Variants in ZNF680 observed in about 807,000 individuals in gnomAD.
ZNF680 encodes the protein hypothetical protein FLJ90430.
A neutral mutation model predicts 12.1 loss-of-function variants in ZNF680; 6 were observed. The observed-to-expected ratio is 0.49, with a 90% confidence interval of 0.27 to 0.98. The LOEUF (loss-of-function observed/expected upper bound fraction) is 0.98, where lower values mean the gene tolerates loss of function less well. Ranked by LOEUF, ZNF680 falls within the 50% of genes least tolerant of loss-of-function variation. ZNF680 has a pLI of 0.12. For missense variants in ZNF680, 561 were observed against 616.3 expected, an observed-to-expected ratio of 0.91 and a Z score of 0.95; for synonymous variants, 170 against 199.3, an observed-to-expected ratio of 0.85 and a Z score of 1.24.
intron 3 of ZNF680, chr7:64,524,620 A>G (rs1047356401): frequency 2.6e-5 from 4 of 152,188 alleles, no homozygotes; most frequent in Non-Finnish European, 5.9e-5. Flanking sequence ...TGTAATAAAG[A>G]TTTTAAAAAG....
chr7:64,521,274 C>A lies in ZNF680; in HGVS notation c.1480G>T (p.Glu494Ter). 2 of 1,613,728 alleles carry A rather than the reference C, an allele frequency of 1.2e-6. No homozygotes were observed. Among genetic ancestry groups the A allele is most frequent in the Non-Finnish European group, 1.7e-6 (2 of 1,179,708 alleles). Reference protein sequence around the residue: ...HAREKPYKCEECGKAFNRSSH... With the variant: ...HAREKPYKCE ...GACCGGTTAAAAGCTTTGCCACATT[C>A]TTCACATTTGTAGGGTTTCTCTCTA... is the stretch of plus-strand genomic sequence containing the variant. The change falls in exon 4 of 4, where the codon GAA becomes TAA. Residue 494 changes from glutamate to a stop codon, truncating the protein, a stop_gained. Coordinates refer to ENST00000309683, the MANE Select transcript of ZNF680 (RefSeq NM_178558.5). LOFTEE classifies it low-confidence loss of function (END_TRUNC).
Position 64,521,893 on chromosome 7 carries a change from A to T in ZNF680, c.861T>A (p.Ile287=). ...ATTTGTAAGGTTTGTCTCCAGTATG[A>T]ATTATCTTATGTTTACTAAGGATTG... is the stretch of plus-strand genomic sequence containing the variant. ...LFSILSKHKI[I]HTGDKPYKCD... is the part of the protein sequence containing the mutation. The change falls in exon 4 of 4, where the codon ATT becomes ATA. Residue 287 remains isoleucine, a synonymous_variant. Transcript: ENST00000309683. The T allele has an allele frequency of 6.2e-7, 1 of 1,613,298 alleles. No homozygotes were observed.
chr7:64,544,190 GA>G, intron 2 of ZNF680, 115 bp downstream of exon 2: 1 of 1,421,306 alleles, frequency 7.0e-7, no homozygotes. Context: ...AGATTTTCTT[GA>G]AAACAGGGAT....
chr7:64,557,661 G>T (rs1261046347), intron 1 of ZNF680, among the ~76,000 whole-genome samples: 1 of 152,202 alleles, frequency 6.6e-6, no homozygotes, highest in Non-Finnish European at 1.5e-5. Context: ...GCTGAGGCAG[G>T]CAGATCACTT....
At chr7:64,508,094 G>A in the ZNF680 span, among the ~76,000 whole-genome samples, 156 of 131,416 alleles carry the variant, frequency 1.2e-3, no homozygotes, top group Admixed American at 2.1e-3. Context: ...AGAGAAACAA[G>A]TTATTTGAAT....
downstream of ZNF680, among the ~76,000 whole-genome samples, chr7:64,518,218 T>TTCA: frequency 6.6e-6 from 1 of 152,134 alleles, no homozygotes; most frequent in South Asian, 2.1e-4. Flanking sequence ...ACAAGTGAAT[T>TTCA]CAGCAAAATT....
In ZNF680 at chr7:64,535,002, G is replaced by T. The variant is rs758061644; in HGVS notation, c.253+8705C>A. On this transcript the variant is annotated intron_variant, in intron 3 of 3. Transcript: ENST00000309683. ...ACGATACAATAAACTTTGGGGACTT[G>T]GGGGGGCTTGGGTGGGAGGGGGGCA... Among the ~76,000 whole-genome samples, 134 of 150,938 alleles carry T rather than the reference G, an allele frequency of 8.9e-4. 2 individuals carry two copies. Among genetic ancestry groups the T allele is most frequent in the Non-Finnish European group, 4.0e-4 (27 of 67,830 alleles).
At chr7:64,510,729 T>C in the ZNF680 span, among the ~76,000 whole-genome samples, 1 of 119,836 alleles carries the variant, frequency 8.3e-6, no homozygotes, top group African/African-American at 3.2e-5. Context: ...GCTAAAATGG[T>C]GAAACCCCGT....
chr7:64,518,525 C>T (rs1047520163), downstream of ZNF680, among the ~76,000 whole-genome samples: 2 of 151,822 alleles, frequency 1.3e-5, no homozygotes, highest in Non-Finnish European at 2.9e-5. Context: ...CAATGTAGCT[C>T]CCATCAAAAT....
chr7:64,540,967 A>C (rs911119673), intron 3 of ZNF680, among the ~76,000 whole-genome samples: 35 of 152,308 alleles, frequency 2.3e-4, no homozygotes, highest in African/African-American at 7.7e-4. Context: ...ACAAAAATTT[A>C]CAAGAAATTA....
At chr7:64,539,920 TTA>T (rs1353105040) in intron 3 of ZNF680, among the ~76,000 whole-genome samples, 1 of 152,070 alleles carries the variant, frequency 6.6e-6, no homozygotes, top group African/African-American at 2.4e-5. Flanking sequence ...AATCCCTGGA[TTA>T]CAGATGTAAG....
At chr7:64,547,103 C>T (rs1786826736) in intron 1 of ZNF680, among the ~76,000 whole-genome samples, 1 of 152,088 alleles carries the variant, frequency 6.6e-6, no homozygotes, top group African/African-American at 2.4e-5. Flanking sequence ...CTTAGCTAAG[C>T]ATTGTCTCTC....
chr7:64,555,356 A>C (rs893961194), intron 1 of ZNF680, among the ~76,000 whole-genome samples: 4 of 150,542 alleles, frequency 2.7e-5, no homozygotes, highest in Non-Finnish European at 5.9e-5. Context: ...AAAAAAAAAA[A>C]CACTTGAAGT....
intron 3 of ZNF680, among the ~76,000 whole-genome samples, chr7:64,523,412 A>G (rs1343404746): frequency 5.9e-5 from 9 of 152,084 alleles, no homozygotes; most frequent in Admixed American, 3.9e-4. Context: ...AAAAGAAAAT[A>G]GGAAGGAAGT....
chr7:64,511,448 G>A, the ZNF680 span, among the ~76,000 whole-genome samples: 3 of 152,144 alleles, frequency 2.0e-5, no homozygotes, highest in Middle Eastern at 3.4e-3. Flanking sequence ...AACAGCAAGT[G>A]GGCTAACCAT....
At chr7:64,519,861 T>C (rs1469544909), downstream of ZNF680, 11 of 151,896 alleles carry the variant, frequency 7.2e-5, no homozygotes, top group South Asian at 2.1e-4. Flanking sequence ...TAACGCTTCA[T>C]TGAATGCACA....
At chr7:64,503,660 G>T in the ZNF680 span, among the ~76,000 whole-genome samples, 2 of 152,200 alleles carry the variant, frequency 1.3e-5, no homozygotes, top group Non-Finnish European at 2.9e-5. Flanking sequence ...GATTACAGGC[G>T]TGAGCCACTG....
intron 3 of ZNF680, among the ~76,000 whole-genome samples, chr7:64,526,986 C>T (rs1791885653): frequency 6.6e-6 from 1 of 152,212 alleles, no homozygotes; most frequent in African/African-American, 2.4e-5. Flanking sequence ...ACCTGTAATC[C>T]CTGCATTTTG....
At chr7:64,519,187 T>C (rs946405471), downstream of ZNF680, among the ~76,000 whole-genome samples, 5 of 151,436 alleles carry the variant, frequency 3.3e-5, no homozygotes, top group East Asian at 9.9e-4. Flanking sequence ...AGGATATGAA[T>C]AGACAATTCT....
Sources: allele counts gnomAD v4.1 joint callset (sites outside exome capture counted in the v4.1 genomes callset), GRCh38; gene constraint gnomAD v4.1.1; transcripts MANE v1.5; gene names NCBI Gene and HGNC (gene_info 2026-07-23, HGNC 2026-07-21).